Variants in CDH15 observed in about 807,000 individuals in gnomAD.
The protein encoded by CDH15 is cadherin 15, also known as cadherin-15.
A neutral mutation model predicts 69.4 loss-of-function variants in CDH15; 73 were observed. The observed-to-expected ratio is 1.05, with a 90% CI of 0.87 to 1.28. CDH15 has a LOEUF of 1.28. Ranked by LOEUF, CDH15 falls within the 50% of genes most tolerant of loss-of-function variation. CDH15 has a pLI of 0.00. For synonymous variants in CDH15, 624 were observed against 507.7 expected (o/e 1.23, Z -3.08); for missense variants, 1,343 against 1,133.6 (o/e 1.18, Z -2.65).
At chr16:89,183,341 CCT>C in intron 3 of CDH15, 2 of 591,328 alleles carry the variant, frequency 3.4e-6, no homozygotes, top group Non-Finnish European at 6.0e-6. Context: ...TGGCACCTGC[CCT>C]GTCTGCTAAG....
chr16:89,177,997 G>T (rs1915295120), intron 1 of CDH15, among the ~76,000 whole-genome samples: 1 of 152,218 alleles, frequency 6.6e-6, no homozygotes, highest in South Asian at 2.1e-4. Flanking sequence ...CAGGAGGGAG[G>T]CCCAAGGCCC....
At chr16:89,174,927 C>T (rs957685108) in intron 1 of CDH15, among the ~76,000 whole-genome samples, 2 of 152,168 alleles carry the variant, frequency 1.3e-5, no homozygotes, top group Non-Finnish European at 2.9e-5. Context: ...CTCCCCAGGA[C>T]GGCTCCCAGG....
At position 89,193,391 on chromosome 16, in the gene CDH15, C is replaced by T. The variant is rs1915703765; in HGVS notation, c.1856-79C>T. The T allele has an allele frequency of 1.5e-5, 16 of 1,103,188 alleles. No homozygotes were observed. In the South Asian group the frequency reaches 2.2e-4, roughly 15 times the overall value. The allele number at this position is 1,103,188 out of a possible 1,614,324, so 68.3% of individuals were successfully genotyped here. A position where few individuals can be genotyped will look rare whatever the true frequency, so the allele number is the denominator to read the frequency against. ...CCAGCCTTGCCCCGCCCCGCCCCCT[C>T]CTCCCACCTCCTTCGCAGCCCGGCC... On this transcript the variant is annotated intron_variant, in intron 11 of 13. Transcript: ENST00000289746.
rs1567776590 is a variant in CDH15 at position 89,191,809 on chromosome 16, G to A, written c.1530G>A (p.Leu510=). The part of the protein sequence containing the change: ...GLLLGATDED[L]PPHGAPFHFQ... ...TCCTGGGCGCCACGGATGAGGACCTGCCCCCCCACGGGGCCCCCTTCCACT... is the reference window on the plus strand; with the variant it reads ...TCCTGGGCGCCACGGATGAGGACCTACCCCCCCACGGGGCCCCCTTCCACT... The change falls in exon 10 of 14, where the codon CTG becomes CTA. Residue 510 remains leucine (L), a synonymous_variant. Transcript: ENST00000289746. 1 of 1,604,972 alleles carries A rather than the reference G, an allele frequency of 6.2e-7. No individual in the cohort carries two copies.
intron 5 of CDH15, among the ~76,000 whole-genome samples, chr16:89,186,635 C>G (rs527854895): frequency 5.6e-4 from 78 of 138,798 alleles, no homozygotes; most frequent in African/African-American, 2.0e-3. Flanking sequence ...TCTGTAAACG[C>G]TCACCCAGCG....
chr16:89,191,872 C>T lies in CDH15; in HGVS notation c.1593C>T (p.Asn531=). ...LSPRLPELGR[N]WSLSQVNVSH... ...CCAGGCTCCCAGAGCTCGGCCGGAA[C>T]TGGAGCCTCAGCCAGGTCAACGGTG... The change falls in exon 10 of 14, where the codon AAC becomes AAT. Residue 531 remains asparagine, a synonymous_variant. Transcript: ENST00000289746. 6.3e-7 allele frequency: 1 copy of T among 1,590,218 alleles called. No homozygotes were observed.
chr16:89,186,989 G>A (rs1045748054), intron 5 of CDH15, among the ~76,000 whole-genome samples: 1 of 149,148 alleles, frequency 6.7e-6, no homozygotes, highest in African/African-American at 2.5e-5. Flanking sequence ...CTCTGTAAAC[G>A]CTTACCCAGC....
intron 7 of CDH15, among the ~76,000 whole-genome samples, chr16:89,189,982 C>G (rs1915600354): frequency 6.6e-6 from 1 of 152,260 alleles, no homozygotes; most frequent in Non-Finnish European, 1.5e-5. Context: ...CGCCATCCCC[C>G]AACGGCCCTC....
At position 89,185,179 on chromosome 16, in the gene CDH15, A is replaced by G. The variant is rs1222557249; in HGVS notation, c.509A>G (p.Tyr170Cys). ...GCCTCCCTGTGCTTCCCAGGCACCT[A>G]TGTGACCAGGGCAGAGGCCACAGAT... ...RVLEGAVPGT[Y>C]VTRAEATDAD... Residue 170 changes from tyrosine (Y) to cysteine (C), a missense_variant, in exon 5 of 14, where the codon TAT (tyrosine) becomes TGT (cysteine). Coordinates refer to ENST00000289746, the MANE Select transcript of CDH15 (RefSeq NM_004933.3). 7 of 1,598,672 alleles carry G rather than the reference A, an allele frequency of 4.4e-6. No individual in the cohort carries two copies. The East Asian group carries it at 6.8e-5, about 15-fold the overall frequency.
chr16:89,175,871 A>T (rs1258735604), intron 1 of CDH15, among the ~76,000 whole-genome samples: 1 of 152,228 alleles, frequency 6.6e-6, no homozygotes, highest in African/African-American at 2.4e-5. Context: ...GAGGCCATGG[A>T]GGAGGGGACT....
chr16:89,193,600 G>A lies in CDH15; in HGVS notation c.1986G>A (p.Glu662=). Residue 662 remains glutamate (E), a synonymous_variant, in exon 12 of 14, where the codon GAG becomes GAA. Transcript: ENST00000289746. ...LNYDEQGGGE[E]DQDAYDISQL... Reference sequence around the variant, plus strand: ...ACGATGAGCAAGGAGGCGGGGAGGAGGACCAGGTGAGGGGGCAGGTGTGGG... The same window carrying A: ...ACGATGAGCAAGGAGGCGGGGAGGAAGACCAGGTGAGGGGGCAGGTGTGGG... The A allele has an allele frequency of 7.5e-6, 12 of 1,597,590 alleles. No individual in the cohort carries two copies. Among genetic ancestry groups the A allele is most frequent in the Non-Finnish European group, 1.0e-5 (12 of 1,173,010 alleles).
At position 89,172,460 on chromosome 16, in the gene CDH15, C is replaced by T. The variant is rs1297431748; in HGVS notation, c.42+587C>T. Among the ~76,000 whole-genome samples, 8 of 152,164 alleles carry T rather than the reference C, an allele frequency of 5.3e-5. No individual in the cohort carries two copies. The East Asian group carries it at 1.2e-3, about 22-fold the overall frequency. ...CGCAACACACGGCCTTGCAGAGTGG[C>T]GTGTGGCAGCCCTGGGGGCTCTGTT... On this transcript the variant is annotated intron_variant, in intron 1 of 13. Coordinates refer to ENST00000289746, the MANE Select transcript of CDH15 (RefSeq NM_004933.3).
In CDH15 at chr16:89,183,671, G is replaced by A. The variant is rs745984407; in HGVS notation, c.481G>A (p.Val161Met). The A allele has an allele frequency of 5.0e-6, 8 of 1,606,304 alleles. No homozygotes were observed. Among genetic ancestry groups the A allele is most frequent in the East Asian group, 2.2e-5 (1 of 44,636 alleles). The stretch of plus-strand genomic sequence containing the variant: ...CCTGCAGGAGGCGTTCACTGGCCGC[G>A]TGCTGGAGGGTGCAGTCCCAGGTGA... ...AFLQEAFTGRVLEGAVPGTYV... is the reference protein window; with the variant it reads ...AFLQEAFTGRMLEGAVPGTYV... The change falls in exon 4 of 14, where the codon GTG becomes ATG. Residue 161 changes from valine to methionine, a missense_variant. Coordinates refer to ENST00000289746, the MANE Select transcript of CDH15 (RefSeq NM_004933.3).
intron 6 of CDH15, 79 bp from the exon 7 acceptor site, chr16:89,188,012 AGGGGAGGGT>A: frequency 1.7e-6 from 1 of 598,342 alleles, no homozygotes; most frequent in Non-Finnish European, 2.3e-6. Flanking sequence ...GGAGGGTGGG[AGGGGAGGGT>A]GGGCTGAGGG....
At chr16:89,178,793 C>T (rs1451328717) in intron 1 of CDH15, among the ~76,000 whole-genome samples, 1 of 152,228 alleles carries the variant, frequency 6.6e-6, no homozygotes, top group East Asian at 1.9e-4. Context: ...GTTCAGTTCC[C>T]ACAAAGCAGC....
At chr16:89,185,610 C>T (rs1567773576) in intron 5 of CDH15, 6 of 532,716 alleles carry the variant, frequency 1.1e-5, no homozygotes, top group East Asian at 6.6e-5. Context: ...CCCTCTCAGC[C>T]TCATGGCAAC....
chr16:89,181,903 C>T (rs1264650642), intron 3 of CDH15, among the ~76,000 whole-genome samples: 1 of 150,568 alleles, frequency 6.6e-6, no homozygotes, highest in East Asian at 2.0e-4. Context: ...CTCGCCACTG[C>T]ACTCCAGCCT....
intron 3 of CDH15, among the ~76,000 whole-genome samples, chr16:89,181,024 C>T: frequency 6.8e-6 from 1 of 146,438 alleles, no homozygotes; most frequent in Non-Finnish European, 1.5e-5. Context: ...GGCTGGAGTG[C>T]AGTGGCACAA....
Position 89,171,751 on chromosome 16 carries a change from G to A in CDH15, c.-81G>A. 2.6e-6 allele frequency: 3 copies of A among 1,165,830 alleles called. No homozygotes were observed. Among genetic ancestry groups the A allele is most frequent in the East Asian group, 6.9e-5 (1 of 14,526 alleles). The allele number at this position is 1,165,830 out of a possible 1,614,324, so 72.2% of individuals were successfully genotyped here. A position where few individuals can be genotyped will look rare whatever the true frequency, so the allele number is the denominator to read the frequency against. ...TCTGTCTCTGGCCCTGGCCCGCCCCGCGCACTTGCGCTGTCACTCAGCCTG... is the reference window on the plus strand; with the variant it reads ...TCTGTCTCTGGCCCTGGCCCGCCCCACGCACTTGCGCTGTCACTCAGCCTG... On this transcript the variant is annotated 5_prime_UTR_variant, in exon 1 of 14. Coordinates refer to ENST00000289746, the MANE Select transcript of CDH15 (RefSeq NM_004933.3).
Sources: allele counts gnomAD v4.1 joint callset (sites outside exome capture counted in the v4.1 genomes callset), GRCh38; gene constraint gnomAD v4.1.1; transcripts MANE v1.5; gene names NCBI Gene and HGNC (gene_info 2026-07-23, HGNC 2026-07-21).